Variants in DPF3 observed in about 807,000 individuals in gnomAD.
DPF3 encodes zinc finger protein DPF3.
A neutral mutation model predicts 56.8 loss-of-function variants in DPF3; 18 were observed. The ratio of observed to expected loss-of-function variants is 0.32; its 90% CI spans 0.22 to 0.47. The LOEUF (loss-of-function observed/expected upper bound fraction) is 0.47, where lower values mean the gene tolerates loss of function less well. Ranked by LOEUF, DPF3 falls within the 20% of genes least tolerant of loss-of-function variation. DPF3 has a pLI of 1.00. For missense variants in DPF3, 403 were observed against 488.8 expected (o/e 0.82, Z 1.65); for synonymous variants, 188 against 180.2 (o/e 1.04, Z -0.35).
intron 4 of DPF3, 179 bp from the exon 5 acceptor site, chr14:72,723,907 A>G (rs1383271149): frequency 8.7e-6 from 5 of 576,240 alleles, no homozygotes; most frequent in South Asian, 2.3e-5. Context: ...TCTTGGCACT[A>G]CCGAGGCTCT....
chr14:72,794,261 C>T (rs1892552565), intron 1 of DPF3, among the ~76,000 whole-genome samples: 1 of 152,128 alleles, frequency 6.6e-6, no homozygotes, highest in African/African-American at 2.4e-5. Flanking sequence ...TGGTTATTAC[C>T]ACAATGTGGG....
rs907117921 is a variant in DPF3, at chr14:72,618,509, C to G, written c.*788G>C. ...CATGACTGGTCTCACCTAAAGGATG[C>G]CCCAGCTCTGAAGGTCAAGGAACCA... On this transcript the variant is annotated 3_prime_UTR_variant, in exon 11 of 11. Transcript: ENST00000556509. 6.6e-6 allele frequency among the ~76,000 whole-genome samples: 1 copy of G among 152,220 alleles called. No individual in the cohort carries two copies.
rs921331151 is a variant in DPF3, at chr14:72,616,876, C to G, written c.*2421G>C. Among the ~76,000 whole-genome samples, 1 of 152,212 alleles carries G rather than the reference C, an allele frequency of 6.6e-6. No homozygotes were observed. Among genetic ancestry groups the G allele is most frequent in the Non-Finnish European group, 1.5e-5 (1 of 68,038 alleles). On this transcript the variant is annotated 3_prime_UTR_variant, in exon 11 of 11. Transcript: ENST00000556509. ...GAGACTTTTGTCTGCTTGTAGTACCCTGACAGTGCCAGCCCACAAGCTGGC... is the reference window on the plus strand; with the variant it reads ...GAGACTTTTGTCTGCTTGTAGTACCGTGACAGTGCCAGCCCACAAGCTGGC...
chr14:72,828,224 C>T (rs1325532471), intron 1 of DPF3, among the ~76,000 whole-genome samples: 1 of 152,176 alleles, frequency 6.6e-6, no homozygotes, highest in Non-Finnish European at 1.5e-5. Context: ...ATGTGCTAAG[C>T]ACCATGCTGG....
chr14:72,724,481 A>G (rs572910874), intron 4 of DPF3, among the ~76,000 whole-genome samples: 3 of 152,110 alleles, frequency 2.0e-5, no homozygotes, highest in African/African-American at 7.2e-5. Context: ...TTCATTTCTC[A>G]GCACAGTGGC....
rs184978895 is a variant in DPF3 at position 72,751,469 on chromosome 14, C to T, written c.301+1795G>A. Among the ~76,000 whole-genome samples, 4 of 152,236 alleles carry T rather than the reference C, an allele frequency of 2.6e-5. No homozygotes were observed. In the East Asian group the frequency reaches 7.7e-4, roughly 29 times the overall value. ...CTGGAGCAAGGACCAAGCTTCTGCA[C>T]GTCTGACAAGCTCCAGGTGATGCTG... On this transcript the variant is annotated intron_variant, in intron 3 of 10. Transcript: ENST00000556509.
Position 72,611,355 on chromosome 14 carries a change from G to A in DPF3, c.*7942C>T, listed in dbSNP as rs1883713123. Among the ~76,000 whole-genome samples the A allele has an allele frequency of 6.6e-6, 1 of 152,230 alleles. No individual in the cohort carries two copies. Among genetic ancestry groups the A allele is most frequent in the South Asian group, 2.1e-4 (1 of 4,826 alleles). On this transcript the variant is annotated 3_prime_UTR_variant, in exon 11 of 11. Coordinates refer to ENST00000556509, the MANE Select transcript of DPF3 (RefSeq NM_001280542.3). ...CTAAGCCAGCACGAAGCTAGGATCT[G>A]ACAAGCACCTGGCCAAAGGTGAGCA...
intron 1 of DPF3, among the ~76,000 whole-genome samples, chr14:72,805,216 A>T (rs1460627670): frequency 2.0e-5 from 3 of 152,224 alleles, no homozygotes; most frequent in African/African-American, 7.2e-5. Context: ...CACACCTGTA[A>T]TCCCAGCACT....
Position 72,612,458 on chromosome 14 carries a change from G to C in DPF3, c.*6839C>G, listed in dbSNP as rs148158302. The C allele has an allele frequency of 3.9e-6, 2 of 517,486 alleles. No homozygotes were observed. The highest frequency in any genetic ancestry group is 2.8e-5 in the South Asian group (2 of 71,314). The allele number at this position is 517,486 out of a possible 1,614,324, so 32.1% of individuals were successfully genotyped here. A position where few individuals can be genotyped will look rare whatever the true frequency, so the allele number is the denominator to read the frequency against. ...TTTTTTTTTCTAGTACCTAATTTAGGCTTCTTCAACTACATGTTGAAAATG... is the reference window on the plus strand; with the variant it reads ...TTTTTTTTTCTAGTACCTAATTTAGCCTTCTTCAACTACATGTTGAAAATG... On this transcript the variant is annotated 3_prime_UTR_variant, in exon 11 of 11. Coordinates refer to ENST00000556509, the MANE Select transcript of DPF3 (RefSeq NM_001280542.3).
At chr14:72,638,975 C>T (rs1471746116) in intron 8 of DPF3, among the ~76,000 whole-genome samples, 1 of 152,102 alleles carries the variant, frequency 6.6e-6, no homozygotes, top group Non-Finnish European at 1.5e-5. Flanking sequence ...CGCCACCATG[C>T]CTGGCTAATT....
chr14:72,887,393 C>T (rs1252056838), intron 1 of DPF3, among the ~76,000 whole-genome samples: 2 of 152,150 alleles, frequency 1.3e-5, no homozygotes, highest in Admixed American at 1.3e-4. Flanking sequence ...AATGGCCCAC[C>T]ACCTGGTCCT....
intron 1 of DPF3, among the ~76,000 whole-genome samples, chr14:72,772,139 T>C (rs763821128): frequency 6.6e-6 from 1 of 152,228 alleles, no homozygotes; most frequent in Non-Finnish European, 1.5e-5. Flanking sequence ...ACAAAGAGCA[T>C]GGGCTTCCAA....
At position 72,692,161 on chromosome 14, in the gene DPF3, T is replaced by C. The variant is rs138006274; in HGVS notation, c.742+915A>G. 2.3e-3 allele frequency among the ~76,000 whole-genome samples: 346 copies of C among 152,328 alleles called. 1 individual carries two copies. The highest frequency in any genetic ancestry group is 4.2e-3 in the Non-Finnish European group (283 of 68,036). ...TCCTAGAGTCTGAATATTTTAAACG[T>C]CTGATCCCTTTCACTGCATTGAGTT... On this transcript the variant is annotated intron_variant, in intron 7 of 10. Transcript: ENST00000556509.
At chr14:72,696,299 T>C (rs1175484919) in intron 6 of DPF3, among the ~76,000 whole-genome samples, 3 of 152,238 alleles carry the variant, frequency 2.0e-5, no homozygotes, top group Non-Finnish European at 4.4e-5. Flanking sequence ...TTAATGGTCA[T>C]TTTGTCTATC....
chr14:72,845,878 G>A (rs920693255), intron 1 of DPF3, among the ~76,000 whole-genome samples: 4 of 152,148 alleles, frequency 2.6e-5, no homozygotes, highest in Admixed American at 1.3e-4. Context: ...AGAGGACACC[G>A]GCTCCCTGTA....
At chr14:72,836,591 A>AT (rs1884307284) in intron 1 of DPF3, 2 of 929,152 alleles carry the variant, frequency 2.2e-6, no homozygotes, top group African/African-American at 1.8e-5. Flanking sequence ...ATCTGGATGA[A>AT]TTTTTCCCCC....
intron 1 of DPF3, among the ~76,000 whole-genome samples, chr14:72,773,070 C>A (rs1015089474): frequency 6.6e-6 from 1 of 150,858 alleles, no homozygotes; most frequent in Non-Finnish European, 1.5e-5. Context: ...CTAAAAATAT[C>A]ATTTCTTAAC....
chr14:72,661,430 G>A, intron 8 of DPF3: 4 of 985,310 alleles, frequency 4.1e-6, no homozygotes, highest in South Asian at 9.4e-5. Flanking sequence ...AGAATACCCA[G>A]CCTTAGACTA....
rs545133248 is a variant in DPF3, at chr14:72,685,215, C to T, written c.742+7861G>A. ...TCTTGAGGCAAAAGTTAAGGGACAT[C>T]GGTAGGACCATGACAAAGATCCAAG... On this transcript the variant is annotated intron_variant, in intron 7 of 10. Transcript: ENST00000556509. 1.6e-4 allele frequency among the ~76,000 whole-genome samples: 25 copies of T among 152,308 alleles called. No individual in the cohort carries two copies. In the East Asian group the frequency reaches 2.1e-3, roughly 13 times the overall value.
Sources: gnomAD v4.1 joint callset for allele counts (sites outside exome capture counted in the v4.1 genomes callset) on GRCh38, gnomAD v4.1.1 for gene constraint, MANE v1.5 for transcripts, NCBI Gene and HGNC (gene_info 2026-07-23, HGNC 2026-07-21) for gene names.